ENAM: variants seen among roughly 807,000 people sequenced by gnomAD.
ENAM encodes the protein enamelin, also known as amelogenesis imperfecta 2, hypocalcification (autosomal dominant).
Under a neutral mutation model 33.6 loss-of-function variants are expected in ENAM, and 21 were observed. The observed-to-expected ratio is 0.63, with a 90% CI of 0.44 to 0.90. ENAM has a LOEUF of 0.90. Ranked by LOEUF, ENAM falls within the 40% of genes least tolerant of loss-of-function variation. The pLI is 0.00. For synonymous variants in ENAM, 473 were observed against 468.4 expected (o/e 1.01, Z -0.13); for missense variants, 1,388 against 1,366.9 (o/e 1.02, Z -0.24).
chr4:70,642,079 A>C lies in ENAM; in HGVS notation c.653A>C (p.Glu218Ala). The C allele has an allele frequency of 6.2e-7, 1 of 1,614,120 alleles. No individual in the cohort carries two copies. The highest frequency in any genetic ancestry group is 8.5e-7 in the Non-Finnish European group (1 of 1,179,958). The change falls in exon 9 of 9, where the codon GAA (glutamate) becomes GCA (alanine). Residue 218 changes from glutamate (E) to alanine (A), a missense_variant. Coordinates refer to ENST00000396073, the MANE Select transcript of ENAM (RefSeq NM_031889.3). ...GGTCGCCCTCCTTATTATTCAGAAG[A>C]AATGTTTGAACAAGATTTTGAAAAA... Reference protein sequence around the residue: ...FGGRPPYYSEEMFEQDFEKPK... With the variant: ...FGGRPPYYSEAMFEQDFEKPK...
In ENAM at chr4:70,642,215, A is replaced by T. The variant is rs753204756; in HGVS notation, c.789A>T (p.Gly263=). The change falls in exon 9 of 9, where the codon GGA becomes GGT. Residue 263 remains glycine (G), a synonymous_variant. Transcript: ENST00000396073. ...STQPNPKGSQ[G]GNDTSPTGNS... ...AACCAAATCCTAAAGGGAGTCAGGG[A>T]GGAAATGACACCAGCCCCACAGGAA... 2.5e-6 allele frequency: 4 copies of T among 1,614,036 alleles called. No individual in the cohort carries two copies. The highest frequency in any genetic ancestry group is 1.7e-5 in the Admixed American group (1 of 60,000).
At chr4:70,636,704 G>T (rs2109822195) in intron 7 of ENAM, among the ~76,000 whole-genome samples, 1 of 152,180 alleles carries the variant, frequency 6.6e-6, no homozygotes, top group East Asian at 1.9e-4. Context: ...AGGAAGCAGA[G>T]GTTGCAGTGA....
chr4:70,639,691 C>T (rs889595615), intron 8 of ENAM, among the ~76,000 whole-genome samples: 1 of 152,048 alleles, frequency 6.6e-6, no homozygotes, highest in Non-Finnish European at 1.5e-5. Flanking sequence ...TCACTTAAGC[C>T]CAGGATTTCA....
chr4:70,639,912 A>G (rs1738556030), intron 8 of ENAM, among the ~76,000 whole-genome samples: 1 of 152,104 alleles, frequency 6.6e-6, no homozygotes, highest in Non-Finnish European at 1.5e-5. Context: ...TCTGTATTCT[A>G]CCTCTTGAGG....
chr4:70,639,738 T>A (rs1156665493), intron 8 of ENAM, among the ~76,000 whole-genome samples: 1 of 151,962 alleles, frequency 6.6e-6, no homozygotes, highest in Non-Finnish European at 1.5e-5. Context: ...ATAAAATAAA[T>A]GTTAGGTGAA....
At chr4:70,629,334 C>T in intron 1 of ENAM, 107 bp from the exon 2 acceptor site, 2 of 649,472 alleles carry the variant, frequency 3.1e-6, no homozygotes, top group South Asian at 1.8e-5. Flanking sequence ...ATTTTGTGGC[C>T]CCCTAATACA....
Position 70,645,280 on chromosome 4 carries a change from T to G in ENAM, c.*425T>G, listed in dbSNP as rs1284807667. 4.8e-6 allele frequency: 1 copy of G among 209,172 alleles called. No homozygotes were observed. The highest frequency in any genetic ancestry group is 9.5e-6 in the Non-Finnish European group (1 of 105,290). The allele number at this position is 209,172 out of a possible 1,614,324, so 13.0% of individuals were successfully genotyped here. A position where few individuals can be genotyped will look rare whatever the true frequency, so the allele number is the denominator to read the frequency against. ...GTATAGTCCTGATGCACTGTACGTT[T>G]TTTGCTTGTGTTGATCTTGTCAGGT... On this transcript the variant is annotated 3_prime_UTR_variant, in exon 9 of 9. Coordinates refer to ENST00000396073, the MANE Select transcript of ENAM (RefSeq NM_031889.3).
intron 7 of ENAM, among the ~76,000 whole-genome samples, chr4:70,636,853 A>C (rs1738464161): frequency 1.3e-5 from 2 of 152,230 alleles, no homozygotes; most frequent in East Asian, 3.8e-4. Context: ...TAAAATAAAA[A>C]ATAATATTGA....
Position 70,642,217 on chromosome 4 carries a change from G to A in ENAM, c.791G>A (p.Gly264Glu). The A allele has an allele frequency of 6.2e-7, 1 of 1,614,110 alleles. No homozygotes were observed. The highest frequency in any genetic ancestry group is 1.1e-5 in the South Asian group (1 of 91,078). Residue 264 changes from glycine (G) to glutamate (E), a missense_variant, in exon 9 of 9, where the codon GGA (glycine) becomes GAA (glutamate). By Grantham distance (98) the Gly-to-Glu change is moderately conservative. Coordinates refer to ENST00000396073, the MANE Select transcript of ENAM (RefSeq NM_031889.3). ...TQPNPKGSQGGNDTSPTGNST... is the reference protein window; with the variant it reads ...TQPNPKGSQGENDTSPTGNST... ...CCAAATCCTAAAGGGAGTCAGGGAGGAAATGACACCAGCCCCACAGGAAAC... is the reference window on the plus strand; with the variant it reads ...CCAAATCCTAAAGGGAGTCAGGGAGAAAATGACACCAGCCCCACAGGAAAC...
intron 4 of ENAM, among the ~76,000 whole-genome samples, chr4:70,632,302 A>G (rs946237336): frequency 2.0e-5 from 3 of 152,168 alleles, no homozygotes; most frequent in African/African-American, 4.8e-5. Flanking sequence ...ATCTTGTCAC[A>G]TAATTCTCAT....
At chr4:70,632,365 C>T (rs1380990237) in intron 4 of ENAM, among the ~76,000 whole-genome samples, 1 of 152,064 alleles carries the variant, frequency 6.6e-6, no homozygotes, top group Non-Finnish European at 1.5e-5. Flanking sequence ...AAAAACTTTA[C>T]AGTAGATCAG....
chr4:70,642,708 G>T lies in ENAM; in HGVS notation c.1282G>T (p.Val428Phe), dbSNP rs1738634181. Residue 428 changes from valine to phenylalanine, a missense_variant, in exon 9 of 9, where the codon GTT becomes TTT. By Grantham distance (50) the Val-to-Phe change is conservative. Transcript: ENST00000396073. The stretch of plus-strand genomic sequence containing the variant: ...ACTGGGTCCCAAACCTGGCCCTGTT[G>T]TTCGCAATGAAAAAATCCAAAATCC... ...APLGPKPGPV[V>F]RNEKIQNPKE... The T allele has an allele frequency of 6.2e-7, 1 of 1,605,658 alleles. No individual in the cohort carries two copies. The highest frequency in any genetic ancestry group is 1.3e-5 in the African/African-American group (1 of 74,196).
chr4:70,635,717 T>C, intron 6 of ENAM, 115 bp from the exon 7 acceptor site: 1 of 728,828 alleles, frequency 1.4e-6, no homozygotes, highest in Non-Finnish European at 2.5e-6. Context: ...AACACAGAGT[T>C]TAATGCAAAG....
chr4:70,644,919 C>A lies in ENAM; in HGVS notation c.*64C>A. The A allele has an allele frequency of 6.9e-7, 1 of 1,444,378 alleles. No individual in the cohort carries two copies. Among genetic ancestry groups the A allele is most frequent in the Non-Finnish European group, 9.7e-7 (1 of 1,029,956 alleles). The allele number at this position is 1,444,378 out of a possible 1,614,324, so 89.5% of individuals were successfully genotyped here. On this transcript the variant is annotated 3_prime_UTR_variant, in exon 9 of 9. Transcript: ENST00000396073. Reference sequence around the variant, plus strand: ...ACTGACATTCTATACCAATGGTTCCCAAAATTTTTTCCCCAAGACTTAATT... The same window carrying A: ...ACTGACATTCTATACCAATGGTTCCAAAAATTTTTTCCCCAAGACTTAATT...
chr4:70,633,643 T>C (rs528473814), intron 5 of ENAM, among the ~76,000 whole-genome samples: 1 of 152,316 alleles, frequency 6.6e-6, no homozygotes, highest in East Asian at 1.9e-4. Flanking sequence ...AGACTGATCA[T>C]TCATAAATTA....
At position 70,645,194 on chromosome 4, in the gene ENAM, G is replaced by C. The variant is rs1362335058; in HGVS notation, c.*339G>C. On this transcript the variant is annotated 3_prime_UTR_variant, in exon 9 of 9. Transcript: ENST00000396073. Reference sequence around the variant, plus strand: ...CTCAAAGTTCCATACTTGCAAAATTGGTTTTTCAAGACTGAAAGGCAGATT... The same window carrying C: ...CTCAAAGTTCCATACTTGCAAAATTCGTTTTTCAAGACTGAAAGGCAGATT... The C allele has an allele frequency of 4.1e-6, 2 of 482,142 alleles. No homozygotes were observed. Among genetic ancestry groups the C allele is most frequent in the Non-Finnish European group, 7.4e-6 (2 of 269,280 alleles). 29.9% of individuals were successfully genotyped at this position (482,142 alleles called of 1,614,324 possible).
Position 70,644,057 on chromosome 4 carries a change from T to C in ENAM, c.2631T>C (p.Gly877=). 6.2e-7 allele frequency: 1 copy of C among 1,614,120 alleles called. No homozygotes were observed. Among genetic ancestry groups the C allele is most frequent in the Non-Finnish European group, 8.5e-7 (1 of 1,180,008 alleles). ...GCCAGAGAGGCTCTTGCTGTGCTGGTAGCTCCACAGGGCCCAAGGACAATC... is the reference window on the plus strand; with the variant it reads ...GCCAGAGAGGCTCTTGCTGTGCTGGCAGCTCCACAGGGCCCAAGGACAATC... ...HLSQRGSCCA[G]SSTGPKDNPL... Residue 877 remains glycine (G), a synonymous_variant, in exon 9 of 9, where the codon GGT becomes GGC. Coordinates refer to ENST00000396073, the MANE Select transcript of ENAM (RefSeq NM_031889.3).
In ENAM at chr4:70,644,348, A is replaced by G; in HGVS notation, c.2922A>G (p.Glu974=). The change falls in exon 9 of 9, where the codon GAA becomes GAG. Residue 974 remains glutamate, a synonymous_variant. Transcript: ENST00000396073. ...AAAAGGAAATTATGCCCTTTCCTGA[A>G]GCCAGTTCCCTTCAATCAAAGAATA... The part of the protein sequence containing the change: ...LGQKEIMPFP[E]ASSLQSKNTP... 2 of 1,614,248 alleles carry G rather than the reference A, an allele frequency of 1.2e-6. No homozygotes were observed. The highest frequency in any genetic ancestry group is 8.5e-7 in the Non-Finnish European group (1 of 1,180,044).
rs1459604516 is a variant in ENAM at position 70,642,759 on chromosome 4, G to T, written c.1333G>T (p.Glu445Ter). 2 of 1,610,774 alleles carry T rather than the reference G, an allele frequency of 1.2e-6. No homozygotes were observed. Among genetic ancestry groups the T allele is most frequent in the Non-Finnish European group, 8.5e-7 (1 of 1,179,018 alleles). Residue 445 changes from glutamate (E) to a stop codon, truncating the protein, a stop_gained, in exon 9 of 9, where the codon GAA becomes TAA. Transcript: ENST00000396073. LOFTEE classifies it low-confidence loss of function (END_TRUNC). Reference protein sequence around the residue: ...NPKEKPLGPKEQIIVPTKNPT... With the variant: ...NPKEKPLGPK ...AAAGGAGAAGCCCCTGGGTCCAAAA[G>T]AACAAATAATAGTTCCTACAAAGAA...
Sources: allele counts gnomAD v4.1 joint callset (sites outside exome capture counted in the v4.1 genomes callset), GRCh38; gene constraint gnomAD v4.1.1; transcripts MANE v1.5; gene names NCBI Gene and HGNC (gene_info 2026-07-23, HGNC 2026-07-21).